MAF: variants seen among roughly 807,000 people sequenced by gnomAD.
MAF encodes transcription factor Maf.
Under a neutral mutation model 22.0 loss-of-function variants are expected in MAF, and 10 were observed. That is an observed-to-expected ratio of 0.45 (90% confidence interval 0.28 to 0.77). MAF has a LOEUF of 0.77. Among genes scored for constraint, MAF ranks in the 30% least tolerant of loss-of-function variants. The pLI, the probability that MAF is intolerant of heterozygous loss-of-function variation, is 0.12. For missense variants in MAF, 544 were observed against 548.4 expected, an observed-to-expected ratio of 0.99 and a Z score of 0.08; for synonymous variants, 337 against 255.8, an observed-to-expected ratio of 1.32 and a Z score of -3.03.
chr16:79,519,397 T>C, the MAF span, among the ~76,000 whole-genome samples: 2 of 152,152 alleles, frequency 1.3e-5, no homozygotes, highest in Non-Finnish European at 2.9e-5. Flanking sequence ...ACATCTACGG[T>C]CTGCCTCTTG....
At chr16:79,502,110 T>C in the MAF span, among the ~76,000 whole-genome samples, 1 of 152,130 alleles carries the variant, frequency 6.6e-6, no homozygotes, top group African/African-American at 2.4e-5. Flanking sequence ...GTCATCTATT[T>C]CTCCCAGCCG....
chr16:79,219,308 T>C, the MAF span, among the ~76,000 whole-genome samples: 151,571 of 152,218 alleles, frequency 1, 75,465 homozygotes, highest in Middle Eastern at 1. Flanking sequence ...GGACAGTCCA[T>C]TTTTATAAAG....
chr16:79,590,035 C>T (rs938220094), downstream of MAF, among the ~76,000 whole-genome samples: 3 of 152,168 alleles, frequency 2.0e-5, no homozygotes, highest in Non-Finnish European at 2.9e-5. Flanking sequence ...GGCTCCAGTC[C>T]CTGCGCACCT....
chr16:79,489,811 T>A, the MAF span, among the ~76,000 whole-genome samples: 2 of 152,288 alleles, frequency 1.3e-5, no homozygotes, highest in South Asian at 4.1e-4. Flanking sequence ...CCAGGTGGAA[T>A]GGGTCTGTGT....
chr16:79,527,587 C>A, the MAF span, among the ~76,000 whole-genome samples: 1 of 152,118 alleles, frequency 6.6e-6, no homozygotes, highest in Non-Finnish European at 1.5e-5. Context: ...AAAACCACTT[C>A]TTAGGGAAGT....
chr16:79,478,355 G>A, the MAF span, among the ~76,000 whole-genome samples: 109 of 152,144 alleles, frequency 7.2e-4, no homozygotes, highest in Non-Finnish European at 1.5e-3. Context: ...AGCTCAGGAA[G>A]CTGCTCAAGG....
chr16:79,287,214 T>G, the MAF span, among the ~76,000 whole-genome samples: 1 of 152,066 alleles, frequency 6.6e-6, no homozygotes, highest in East Asian at 1.9e-4. Flanking sequence ...CACTGCAGTT[T>G]CAATTGGATA....
chr16:79,477,160 C>G, the MAF span, among the ~76,000 whole-genome samples: 1 of 152,306 alleles, frequency 6.6e-6, no homozygotes, highest in Non-Finnish European at 1.5e-5. Flanking sequence ...TTAATTTGAA[C>G]TTGGCAATGG....
At chr16:79,360,406 G>T in the MAF span, among the ~76,000 whole-genome samples, 1 of 152,270 alleles carries the variant, frequency 6.6e-6, no homozygotes, top group East Asian at 1.9e-4. Context: ...GAGCAAGACA[G>T]ACCTGAGATT....
chr16:79,437,985 A>G, the MAF span, among the ~76,000 whole-genome samples: 1 of 152,172 alleles, frequency 6.6e-6, no homozygotes, highest in Non-Finnish European at 1.5e-5. Context: ...AGTCGGCCCC[A>G]GGGCACCGGG....
At chr16:79,400,970 C>A in the MAF span, among the ~76,000 whole-genome samples, 1 of 152,228 alleles carries the variant, frequency 6.6e-6, no homozygotes, top group East Asian at 1.9e-4. Context: ...GCAGGGCTCA[C>A]ACATACACAG....
chr16:79,446,358 G>T, the MAF span, among the ~76,000 whole-genome samples: 1 of 152,084 alleles, frequency 6.6e-6, no homozygotes, highest in Non-Finnish European at 1.5e-5. Flanking sequence ...GATTGCCCCT[G>T]CCTTGCCTAG....
At chr16:79,236,295 A>G in the MAF span, among the ~76,000 whole-genome samples, 1 of 151,988 alleles carries the variant, frequency 6.6e-6, no homozygotes, top group Admixed American at 6.6e-5. Flanking sequence ...AGCGGGACAC[A>G]GTCTGTGTCC....
the MAF span, among the ~76,000 whole-genome samples, chr16:79,214,259 T>G: frequency 6.6e-6 from 1 of 152,338 alleles, no homozygotes; most frequent in East Asian, 1.9e-4. Flanking sequence ...TTTGTCTGTT[T>G]TCTTCACAAC....
the MAF span, among the ~76,000 whole-genome samples, chr16:79,509,645 C>A: frequency 1.3e-5 from 2 of 152,234 alleles, no homozygotes; most frequent in African/African-American, 4.8e-5. Flanking sequence ...CCAAGGCCTG[C>A]GTTACCTTGG....
At chr16:79,241,025 C>T in the MAF span, among the ~76,000 whole-genome samples, 6 of 152,128 alleles carry the variant, frequency 3.9e-5, no homozygotes, top group African/African-American at 1.4e-4. Flanking sequence ...ACTCACAGAC[C>T]TCATCCAAAT....
the MAF span, among the ~76,000 whole-genome samples, chr16:79,506,036 A>C: frequency 6.6e-6 from 1 of 152,046 alleles, no homozygotes; most frequent in African/African-American, 2.4e-5. Flanking sequence ...AAGAAGAGGG[A>C]GGAGAAGTCG....
the MAF span, among the ~76,000 whole-genome samples, chr16:79,235,582 A>G: frequency 0.072 from 11,000 of 151,884 alleles, 584 homozygotes; most frequent in Middle Eastern, 0.15. Flanking sequence ...AAGCCGCAGA[A>G]GCAGCCATTC....
the MAF span, among the ~76,000 whole-genome samples, chr16:79,352,869 T>A: frequency 0.31 from 47,580 of 152,130 alleles, 8,899 homozygotes; most frequent in Non-Finnish European, 0.44. Flanking sequence ...CAGGGAGGTA[T>A]TAAATTACCC....
Sources: gnomAD v4.1 joint callset for allele counts (sites outside exome capture counted in the v4.1 genomes callset) on GRCh38, gnomAD v4.1.1 for gene constraint, MANE v1.5 for transcripts, NCBI Gene and HGNC (gene_info 2026-07-23, HGNC 2026-07-21) for gene names.